RXRA: variants seen among roughly 807,000 people sequenced by gnomAD.
RXRA encodes the protein retinoid X receptor alpha, also known as retinoic acid receptor RXR-alpha.
RXRA carries 5 observed loss-of-function variants against 44.5 expected under a neutral mutation model. The ratio of observed to expected loss-of-function variants is 0.11; its 90% CI spans 0.06 to 0.24. The LOEUF is 0.24. Ranked by LOEUF, RXRA falls within the 10% of genes least tolerant of loss-of-function variation. RXRA has a pLI of 1.00. For synonymous variants in RXRA, 291 were observed against 271.4 expected (o/e 1.07, Z -0.71); for missense variants, 412 against 646.5 (o/e 0.64, Z 3.93).
At position 134,426,462 on chromosome 9, in the gene RXRA, G is replaced by A. The variant is rs529634299; in HGVS notation, c.911-2646G>A. ...ACCGAGTGAGGACATCGGGGTGGAG[G>A]GACAGGGGACAGGGGAGCTGAGATG... On this transcript the variant is annotated intron_variant, in intron 6 of 9. Transcript: ENST00000481739. The surrounding 1 kb of genome is among the most constrained non-coding windows in gnomAD (Gnocchi z 4.6). 6.5e-5 allele frequency: 64 copies of A among 985,338 alleles called. No homozygotes were observed. The highest frequency in any genetic ancestry group is 7.6e-5 in the Non-Finnish European group (63 of 829,944). 61.0% of individuals were successfully genotyped at this position (985,338 alleles called of 1,614,324 possible). A position where few individuals can be genotyped will look rare whatever the true frequency, so the allele number is the denominator to read the frequency against.
intron 1 of RXRA, among the ~76,000 whole-genome samples, chr9:134,367,360 C>T (rs1393348162): frequency 1.3e-5 from 2 of 152,088 alleles, no homozygotes; most frequent in Non-Finnish European, 2.9e-5. Context: ...TCCGGGGAGA[C>T]CCAGCCTTGC....
At chr9:134,424,591 GTT>G in intron 6 of RXRA, 3 of 985,476 alleles carry the variant, frequency 3.0e-6, no homozygotes, top group Non-Finnish European at 3.6e-6. Flanking sequence ...GTCCTTGTGT[GTT>G]CTGTCTGCCG....
Position 134,366,109 on chromosome 9 carries a change from T to C in RXRA, c.29-35523T>C, listed in dbSNP as rs1421858391. On this transcript the variant is annotated intron_variant, in intron 1 of 9. Transcript: ENST00000481739. The surrounding 1 kb of genome is among the most constrained non-coding windows in gnomAD (Gnocchi z 5.9). ...TGCCTCAGTAACAACCTGGGAGCGGTGCTGTCCCTGGGTACAGATGAGAAG... is the reference window on the plus strand; with the variant it reads ...TGCCTCAGTAACAACCTGGGAGCGGCGCTGTCCCTGGGTACAGATGAGAAG... 6.6e-6 allele frequency among the ~76,000 whole-genome samples: 1 copy of C among 152,028 alleles called. No individual in the cohort carries two copies. Among genetic ancestry groups the C allele is most frequent in the Admixed American group, 6.6e-5 (1 of 15,258 alleles).
chr9:134,362,872 C>T (rs949438767), intron 1 of RXRA, among the ~76,000 whole-genome samples: 5 of 152,382 alleles, frequency 3.3e-5, no homozygotes, highest in African/African-American at 1.2e-4. Context: ...TGCCCCCATG[C>T]CCGGGTCTGC....
At chr9:134,423,226 G>A (rs1831377668) in intron 6 of RXRA, 4 of 985,420 alleles carry the variant, frequency 4.1e-6, no homozygotes, top group East Asian at 1.1e-4. Flanking sequence ...GAAGCAACAC[G>A]TTGGGTGCCC....
chr9:134,431,787 C>G, intron 7 of RXRA, 118 bp from the exon 8 acceptor site: 1 of 719,224 alleles, frequency 1.4e-6, no homozygotes, highest in Non-Finnish European at 2.3e-6. Flanking sequence ...TTGGCTTGGC[C>G]CATCTCAGCG....
At chr9:134,334,237 C>T (rs1006981161) in intron 1 of RXRA, among the ~76,000 whole-genome samples, 5 of 152,234 alleles carry the variant, frequency 3.3e-5, no homozygotes, top group African/African-American at 4.8e-5. Context: ...CCTTCTGAGG[C>T]GAGGGCATCC....
chr9:134,343,636 G>A lies in RXRA; in HGVS notation c.28+16977G>A, dbSNP rs540462347. Among the ~76,000 whole-genome samples, 212 of 152,172 alleles carry A rather than the reference G, an allele frequency of 1.4e-3. 1 individual carries two copies. Among genetic ancestry groups the A allele is most frequent in the African/African-American group, 4.7e-3 (197 of 41,504 alleles). ...CCTTGACATAGGCTTGAGGGGTCAC[G>A]TCCCCTGCCCTGTCCCCATCTTGCT... is the stretch of plus-strand genomic sequence containing the variant. On this transcript the variant is annotated intron_variant, in intron 1 of 9. Coordinates refer to ENST00000481739, the MANE Select transcript of RXRA (RefSeq NM_002957.6). The surrounding 1 kb of genome is among the most constrained non-coding windows in gnomAD (Gnocchi z 4.1).
In RXRA at chr9:134,439,375, G is replaced by C. The variant is rs1831689914; in HGVS notation, c.*2761G>C. Reference sequence around the variant, plus strand: ...TTCAGATGGGGCTCCTGAGGCTCAGGAGTGAAGATGCCACAGAGCCGGGCT... The same window carrying C: ...TTCAGATGGGGCTCCTGAGGCTCAGCAGTGAAGATGCCACAGAGCCGGGCT... On this transcript the variant is annotated 3_prime_UTR_variant, in exon 10 of 10. Coordinates refer to ENST00000481739, the MANE Select transcript of RXRA (RefSeq NM_002957.6). 2 of 152,234 alleles carry C rather than the reference G, an allele frequency of 1.3e-5. No individual in the cohort carries two copies. The allele number at this position is 152,234 out of a possible 1,614,324, so 9.4% of individuals were successfully genotyped here.
chr9:134,436,405 C>T, intron 9 of RXRA, 62 bp from the exon 10 acceptor site: 1 of 1,562,408 alleles, frequency 6.4e-7, no homozygotes, highest in Non-Finnish European at 8.7e-7. Flanking sequence ...GGGAGGCCTC[C>T]AGTGCCAGGG....
rs115937766 is a variant in RXRA at position 134,367,097 on chromosome 9, C to G, written c.29-34535C>G. 4.7e-3 allele frequency among the ~76,000 whole-genome samples: 711 copies of G among 152,286 alleles called. 4 individuals carry two copies. Among genetic ancestry groups the G allele is most frequent in the African/African-American group, 0.016 (654 of 41,550 alleles). On this transcript the variant is annotated intron_variant, in intron 1 of 9. Transcript: ENST00000481739. ...GGCGTGCAGTTCAGTGGGTTTTCAT[C>G]CACACACTTGCACAGCCACCACCAC...
chr9:134,431,310 TCTC>T (rs1831528507), intron 7 of RXRA, among the ~76,000 whole-genome samples: 1 of 152,212 alleles, frequency 6.6e-6, no homozygotes, highest in Non-Finnish European at 1.5e-5. Context: ...GCCCCCAGCG[TCTC>T]CATGGAGGGA....
At chr9:134,369,588 C>A (rs184825883) in intron 1 of RXRA, among the ~76,000 whole-genome samples, 1 of 151,922 alleles carries the variant, frequency 6.6e-6, no homozygotes, top group African/African-American at 2.4e-5. Flanking sequence ...ATACTGTCAC[C>A]CATTCCCTGT....
chr9:134,378,426 C>T (rs760529236), intron 1 of RXRA, among the ~76,000 whole-genome samples: 1 of 152,260 alleles, frequency 6.6e-6, no homozygotes, highest in Non-Finnish European at 1.5e-5. Context: ...GGCCATCTGC[C>T]TCCAGAACGC....
chr9:134,366,755 A>G lies in RXRA; in HGVS notation c.29-34877A>G, dbSNP rs916961379. On this transcript the variant is annotated intron_variant, in intron 1 of 9. Coordinates refer to ENST00000481739, the MANE Select transcript of RXRA (RefSeq NM_002957.6). This position sits in a 1 kb window ranked among gnomAD's most constrained non-coding sequence, Gnocchi z 5.9. ...AAAAGCCATAGACTCTCCACGGAAA[A>G]GGAAGCCTGGCACCCCCCATGTTTC... 6.6e-6 allele frequency among the ~76,000 whole-genome samples: 1 copy of G among 152,186 alleles called. No individual in the cohort carries two copies. The highest frequency in any genetic ancestry group is 2.4e-5 in the African/African-American group (1 of 41,442).
intron 1 of RXRA, among the ~76,000 whole-genome samples, chr9:134,351,234 G>A (rs562101339): frequency 3.7e-4 from 57 of 152,210 alleles, no homozygotes; most frequent in African/African-American, 1.3e-3. Flanking sequence ...GAGGCCCGGC[G>A]GGAAATCACA....
At chr9:134,362,312 C>T (rs1031101633) in intron 1 of RXRA, among the ~76,000 whole-genome samples, 3 of 152,154 alleles carry the variant, frequency 2.0e-5, no homozygotes, top group South Asian at 2.1e-4. Context: ...GCCCCTCCTT[C>T]GAAGACTCTT....
rs564283171 is a variant in RXRA at position 134,365,010 on chromosome 9, G to T, written c.29-36622G>T. Among the ~76,000 whole-genome samples, 4 of 152,240 alleles carry T rather than the reference G, an allele frequency of 2.6e-5. No homozygotes were observed. Among genetic ancestry groups the T allele is most frequent in the Non-Finnish European group, 5.9e-5 (4 of 68,046 alleles). On this transcript the variant is annotated intron_variant, in intron 1 of 9. Transcript: ENST00000481739. The surrounding 1 kb of genome is among the most constrained non-coding windows in gnomAD (Gnocchi z 4.0). Reference sequence around the variant, plus strand: ...ATGAGGAGGCTGATGCTAGAGAGGGGTGTGCCCTGTCCCGGTTGCCCAGCT... The same window carrying T: ...ATGAGGAGGCTGATGCTAGAGAGGGTTGTGCCCTGTCCCGGTTGCCCAGCT...
intron 1 of RXRA, chr9:134,379,728 C>G: frequency 1.0e-6 from 1 of 985,398 alleles, no homozygotes; most frequent in African/African-American, 1.7e-5. Flanking sequence ...TGGGCGGGTT[C>G]GTGGGTCCAG....
Sources: gnomAD v4.1 joint callset for allele counts (sites outside exome capture counted in the v4.1 genomes callset) on GRCh38, gnomAD v4.1.1 for gene constraint, Gnocchi (gnomAD v3.1) non-coding constraint, MANE v1.5 for transcripts, NCBI Gene and HGNC (gene_info 2026-07-23, HGNC 2026-07-21) for gene names.